The following MAP3K15 variants were observed in gnomAD, a reference collection of about 807,000 sequenced individuals.
The protein encoded by MAP3K15 is MAPK/ERK kinase kinase 15.
A neutral mutation model predicts 99.5 loss-of-function variants in MAP3K15; 124 were observed. The observed-to-expected ratio is 1.25, with a 90% CI of 1.08 to 1.45. MAP3K15 has a LOEUF of 1.45. Ranked by LOEUF, MAP3K15 falls within the 40% of genes most tolerant of loss-of-function variation. The probability of loss-of-function intolerance (pLI) is 0.00; values close to 1 mark genes in which losing one functional copy is unlikely to be tolerated. For missense variants in MAP3K15, 1,242 were observed against 1,079.7 expected, an observed-to-expected ratio of 1.15 and a Z score of -2.11; for synonymous variants, 494 against 439.6, an observed-to-expected ratio of 1.12 and a Z score of -1.55.
At chrX:19,452,383 GAAA>G (rs1315960390) in intron 6 of MAP3K15, among the ~76,000 whole-genome samples, 1 of 26,987 alleles carries the variant, frequency 3.7e-5, no homozygotes. Context: ...AGAGAGAAAA[GAAA>G]AGAGAAAAGA....
intron 14 of MAP3K15, among the ~76,000 whole-genome samples, 183 bp downstream of exon 14, chrX:19,400,393 C>A (rs2063598886): frequency 9.0e-6 from 1 of 111,703 alleles, no homozygotes; most frequent in Admixed American, 9.6e-5. Flanking sequence ...CTGAGAGAAT[C>A]CCAAAGAAAT....
intron 3 of MAP3K15, among the ~76,000 whole-genome samples, chrX:19,464,681 T>G (rs894661312): frequency 1.8e-5 from 2 of 111,617 alleles, no homozygotes; most frequent in African/African-American, 6.5e-5. Flanking sequence ...GTTTTAAATC[T>G]CAGAAATCAC....
chrX:19,432,462 G>A (rs1358456687), intron 6 of MAP3K15, among the ~76,000 whole-genome samples: 1 of 107,939 alleles, frequency 9.3e-6, no homozygotes, highest in Non-Finnish European at 1.9e-5. Flanking sequence ...GGCTGAGGCA[G>A]GAGAATCACT....
intron 1 of MAP3K15, among the ~76,000 whole-genome samples, chrX:19,502,360 G>T (rs1460389710): frequency 9.0e-6 from 1 of 111,344 alleles, no homozygotes; most frequent in African/African-American, 3.3e-5. Flanking sequence ...TCTCATGACA[G>T]TGAGGAAGTT....
chrX:19,394,250 C>T, intron 16 of MAP3K15, among the ~76,000 whole-genome samples: 1 of 111,792 alleles, frequency 8.9e-6, no homozygotes, highest in South Asian at 3.8e-4. Flanking sequence ...TTACTGAGCT[C>T]TTGTTCTCTG....
intron 3 of MAP3K15, among the ~76,000 whole-genome samples, chrX:19,476,529 C>T (rs767521967): frequency 4.1e-4 from 46 of 112,099 alleles, no homozygotes; most frequent in African/African-American, 1.5e-3. Flanking sequence ...TTAGGCTCAA[C>T]AGATATAATT....
At position 19,397,944 on chromosome X, in the gene MAP3K15, G is replaced by A. The variant is rs766608266; in HGVS notation, c.2066+282C>T. Among the ~76,000 whole-genome samples, 15 of 109,188 alleles carry A rather than the reference G, an allele frequency of 1.4e-4. No individual in the cohort carries two copies. In the East Asian group the frequency reaches 2.9e-3, roughly 21 times the overall value. 94.8% of individuals were successfully genotyped at this position (109,188 alleles called of 115,157 possible). On this transcript the variant is annotated intron_variant, in intron 15 of 28. Transcript: ENST00000338883. ...AATACAAAAAAATCAGCTGGGCATGGTGTAATCCCAGCTACAGGTTGAGCC... is the reference window on the plus strand; with the variant it reads ...AATACAAAAAAATCAGCTGGGCATGATGTAATCCCAGCTACAGGTTGAGCC...
intron 6 of MAP3K15, among the ~76,000 whole-genome samples, chrX:19,433,775 G>A (rs1437702688): frequency 8.9e-6 from 1 of 111,957 alleles, no homozygotes; most frequent in African/African-American, 3.2e-5. Context: ...CTGACCCAAC[G>A]ATTCCACTTC....
rs756645339 is a variant in MAP3K15, at chrX:19,360,791, G to A, written c.3900C>T (p.Tyr1300=). ...TTTCTGAGGCCTCCTGAGCCCTTCT[G>A]TACTGGGAGACCGCACTCCAGAGTC... is the stretch of plus-strand genomic sequence containing the variant. ...LCRLWSAVSQ[Y]RRAQEASETK... is the part of the protein sequence containing the mutation. The change falls in exon 29 of 29, where the codon TAC becomes TAT. Residue 1300 remains tyrosine (Y), a synonymous_variant. Transcript: ENST00000338883. The A allele has an allele frequency of 9.9e-6, 12 of 1,208,169 alleles. No individual in the cohort carries two copies. The highest frequency in any genetic ancestry group is 5.9e-5 in the East Asian group (2 of 33,728).
intron 6 of MAP3K15, among the ~76,000 whole-genome samples, chrX:19,446,392 A>T (rs1173434547): frequency 8.9e-6 from 1 of 111,892 alleles, no homozygotes; most frequent in Non-Finnish European, 1.9e-5. Context: ...GCAATATTCA[A>T]AATCATCTGG....
intron 4 of MAP3K15, among the ~76,000 whole-genome samples, chrX:19,463,883 A>G (rs2064147610): frequency 9.1e-6 from 1 of 109,974 alleles, no homozygotes. Context: ...ACAGGATCTC[A>G]GAGCTGAAAG....
rs1420434244 is a variant in MAP3K15 at position 19,415,173 on chromosome X, C to A, written c.1524G>T (p.Arg508=). The A allele has an allele frequency of 8.5e-7, 1 of 1,178,199 alleles. No individual in the cohort carries two copies. The highest frequency in any genetic ancestry group is 1.1e-6 in the Non-Finnish European group (1 of 883,403). Reference sequence around the variant, plus strand: ...AAATTATATCTAACCAGAAGTTCAGCCGCTCTTGCCTGGGCGAGTGTTCAA... The same window carrying A: ...AAATTATATCTAACCAGAAGTTCAGACGCTCTTGCCTGGGCGAGTGTTCAA... ...TIIEHSPRQE[R]LNFWLDIIFE... The change falls in exon 10 of 29, where the codon CGG becomes CGT. Residue 508 remains arginine, a synonymous_variant. Transcript: ENST00000338883.
chrX:19,485,456 C>T (rs933151836), intron 3 of MAP3K15, among the ~76,000 whole-genome samples: 1 of 109,772 alleles, frequency 9.1e-6, no homozygotes, highest in African/African-American at 3.3e-5. Flanking sequence ...TCTAAAACCA[C>T]CGGATGCCTT....
At chrX:19,457,456 A>G (rs1360972208) in intron 5 of MAP3K15, among the ~76,000 whole-genome samples, 1 of 111,097 alleles carries the variant, frequency 9.0e-6, no homozygotes, top group African/African-American at 3.3e-5. Context: ...TACTAAAAAT[A>G]CAAAATATAG....
chrX:19,442,935 G>C (rs2063969910), intron 6 of MAP3K15, among the ~76,000 whole-genome samples: 1 of 103,726 alleles, frequency 9.6e-6, no homozygotes. Context: ...TGTTGGCCAG[G>C]CTGGTCTCAA....
At chrX:19,465,696 T>A (rs1169871390) in intron 3 of MAP3K15, among the ~76,000 whole-genome samples, 1 of 110,255 alleles carries the variant, frequency 9.1e-6, no homozygotes, top group Non-Finnish European at 1.9e-5. Context: ...GGAGGTTGCA[T>A]TGAGCCTAGA....
At chrX:19,437,869 G>GA (rs1313278589) in intron 6 of MAP3K15, among the ~76,000 whole-genome samples, 4 of 110,838 alleles carry the variant, frequency 3.6e-5, no homozygotes, top group African/African-American at 9.8e-5. Context: ...ATTACTATGT[G>GA]AAAAAAACAA....
At chrX:19,486,631 C>T in intron 2 of MAP3K15, 126 bp from the exon 3 acceptor site, 1 of 277,052 alleles carries the variant, frequency 3.6e-6, no homozygotes, top group Non-Finnish European at 6.3e-6. Context: ...AAAGCACCCA[C>T]CTTAGAGCAA....
At chrX:19,442,105 G>A (rs1188450842) in intron 6 of MAP3K15, among the ~76,000 whole-genome samples, 4 of 111,296 alleles carry the variant, frequency 3.6e-5, no homozygotes, top group Non-Finnish European at 5.7e-5. Context: ...GGGTTCCCTC[G>A]GTCAGGAAGA....
Sources: gnomAD v4.1 joint callset for allele counts (sites outside exome capture counted in the v4.1 genomes callset) on GRCh38, gnomAD v4.1.1 for gene constraint, MANE v1.5 for transcripts, NCBI Gene and HGNC (gene_info 2026-07-23, HGNC 2026-07-21) for gene names.